The following DENND1A variants were observed in gnomAD, a reference collection of about 807,000 sequenced individuals.
DENND1A encodes the protein DENN domain containing 1A, also known as DENN domain-containing protein 1A.
DENND1A carries 51 observed loss-of-function variants against 113.7 expected under a neutral mutation model. That is an observed-to-expected ratio of 0.45 (90% CI 0.36 to 0.57). The LOEUF is 0.57. DENND1A is among the 20% of genes least tolerant of loss of function. The pLI is 0.00. For missense variants in DENND1A, 1,258 were observed against 1,395.9 expected, an observed-to-expected ratio of 0.90 and a Z score of 1.57; for synonymous variants, 565 against 570.8, an observed-to-expected ratio of 0.99 and a Z score of 0.14.
intron 5 of DENND1A, among the ~76,000 whole-genome samples, chr9:123,716,248 G>A (rs1281228636): frequency 4.6e-5 from 7 of 152,066 alleles, no homozygotes; most frequent in African/African-American, 1.7e-4. Flanking sequence ...TCTACTCCTG[G>A]GTCAAATTAG....
At chr9:123,591,368 G>T (rs777070261) in intron 11 of DENND1A, among the ~76,000 whole-genome samples, 2 of 152,272 alleles carry the variant, frequency 1.3e-5, no homozygotes, top group African/African-American at 2.4e-5. Context: ...GCAAGGGTGT[G>T]CACTGGCAAT....
intron 5 of DENND1A, among the ~76,000 whole-genome samples, chr9:123,701,475 C>A (rs1019981606): frequency 5.9e-5 from 9 of 152,128 alleles, no homozygotes; most frequent in African/African-American, 2.2e-4. Flanking sequence ...CAATACTGAG[C>A]CTGCCACCAT....
At chr9:123,593,975 C>A (rs1409914709) in intron 11 of DENND1A, among the ~76,000 whole-genome samples, 2 of 152,142 alleles carry the variant, frequency 1.3e-5, no homozygotes, top group Non-Finnish European at 2.9e-5. Flanking sequence ...CTCCTGCTGG[C>A]CATGTGGGAT....
chr9:123,515,307 T>C lies in DENND1A; in HGVS notation c.993+42263A>G, dbSNP rs562555203. On this transcript the variant is annotated intron_variant, in intron 13 of 23. Coordinates refer to ENST00000394215, the MANE Select transcript of DENND1A (RefSeq NM_001352964.2). The stretch of plus-strand genomic sequence containing the variant: ...TATTAAAAGTGATATTTCCATTACA[T>C]AATATTATTGTAACAATTTCAAATA... Among the ~76,000 whole-genome samples the C allele has an allele frequency of 2.0e-5, 3 of 152,362 alleles. No individual in the cohort carries two copies. In the South Asian group the frequency reaches 6.2e-4, roughly 32 times the overall value.
At chr9:123,652,782 TGAA>T in intron 8 of DENND1A, among the ~76,000 whole-genome samples, 1 of 152,182 alleles carries the variant, frequency 6.6e-6, no homozygotes, top group Admixed American at 6.5e-5. Flanking sequence ...GAAAAAAAAT[TGAA>T]GACAAACAGC....
rs146298793 is a variant in DENND1A at position 123,450,704 on chromosome 9, A to T, written c.1345T>A (p.Leu449Met). 1 of 1,610,520 alleles carries T rather than the reference A, an allele frequency of 6.2e-7. No homozygotes were observed. The highest frequency in any genetic ancestry group is 1.3e-5 in the African/African-American group (1 of 74,858). Reference protein sequence around the residue: ...KMGIKEVKNRLKQKDIAENGC... With the variant: ...KMGIKEVKNRMKQKDIAENGC... ...AGAACTTCAAGTACCTTTTGCTTCAAGCGGTTTTTCACCTCTTTTATTCCC... is the reference window on the plus strand; with the variant it reads ...AGAACTTCAAGTACCTTTTGCTTCATGCGGTTTTTCACCTCTTTTATTCCC... Residue 449 changes from leucine (L) to methionine (M), a missense_variant, in exon 18 of 24, where the codon TTG becomes ATG. Coordinates refer to ENST00000394215, the MANE Select transcript of DENND1A (RefSeq NM_001352964.2).
chr9:123,654,758 C>T (rs1236727933), intron 8 of DENND1A, among the ~76,000 whole-genome samples: 48 of 152,330 alleles, frequency 3.2e-4, no homozygotes, highest in Non-Finnish European at 1.3e-4. Context: ...CAGAAGCTGT[C>T]TTTCTTATCT....
intron 1 of DENND1A, among the ~76,000 whole-genome samples, chr9:123,904,130 A>C (rs889448611): frequency 2.6e-5 from 4 of 152,306 alleles, no homozygotes; most frequent in East Asian, 1.9e-4. Flanking sequence ...CTCACACAGC[A>C]GGGTATTCCA....
At chr9:123,407,038 T>C (rs2043910330) in intron 20 of DENND1A, among the ~76,000 whole-genome samples, 1 of 152,040 alleles carries the variant, frequency 6.6e-6, no homozygotes, top group Non-Finnish European at 1.5e-5. Flanking sequence ...TTAGACGAGC[T>C]GAGCTGTCAG....
chr9:123,745,499 C>G (rs1300295240), intron 5 of DENND1A, among the ~76,000 whole-genome samples: 1 of 152,180 alleles, frequency 6.6e-6, no homozygotes, highest in South Asian at 2.1e-4. Context: ...AATGGTGAAA[C>G]CACTGAAGGA....
chr9:123,855,807 G>T lies in DENND1A; in HGVS notation c.88+23144C>A, dbSNP rs1048733836. Among the ~76,000 whole-genome samples the T allele has an allele frequency of 2.6e-5, 4 of 152,148 alleles. No individual in the cohort carries two copies. The East Asian group carries it at 7.7e-4, about 29-fold the overall frequency. On this transcript the variant is annotated intron_variant, in intron 2 of 23. Coordinates refer to ENST00000394215, the MANE Select transcript of DENND1A (RefSeq NM_001352964.2). ...AATCCCAGCACTTTGTGAGGCTGAG[G>T]CAGGCGGATCACCTGAGGTCGGGAG...
At chr9:123,646,739 A>G (rs2062354690) in intron 9 of DENND1A, among the ~76,000 whole-genome samples, 1 of 152,116 alleles carries the variant, frequency 6.6e-6, no homozygotes, top group South Asian at 2.1e-4. Context: ...CTTCATGAGG[A>G]CAGGGATTGT....
intron 1 of DENND1A, among the ~76,000 whole-genome samples, chr9:123,928,166 C>T (rs1334693459): frequency 1.3e-5 from 2 of 152,184 alleles, no homozygotes; most frequent in Non-Finnish European, 2.9e-5. Context: ...ATGGGTTCCA[C>T]AAAACACATT....
intron 2 of DENND1A, among the ~76,000 whole-genome samples, chr9:123,849,836 G>C (rs1160199216): frequency 6.6e-6 from 1 of 152,136 alleles, no homozygotes; most frequent in Non-Finnish European, 1.5e-5. Context: ...AGCCCTCCTG[G>C]ATGACATTGA....
At chr9:123,409,350 T>C (rs577292432) in intron 20 of DENND1A, among the ~76,000 whole-genome samples, 1 of 151,556 alleles carries the variant, frequency 6.6e-6, no homozygotes, top group Non-Finnish European at 1.5e-5. Flanking sequence ...AAATCCGAGA[T>C]CTGAAACACC....
intron 5 of DENND1A, among the ~76,000 whole-genome samples, chr9:123,714,147 C>T (rs1039302282): frequency 2.0e-5 from 3 of 152,200 alleles, no homozygotes; most frequent in African/African-American, 7.2e-5. Context: ...TTTATCAGAA[C>T]ACTCCAAAGA....
chr9:123,595,434 C>T (rs77999189), intron 11 of DENND1A, among the ~76,000 whole-genome samples: 4,110 of 152,182 alleles, frequency 0.027, 150 homozygotes, highest in African/African-American at 0.086. Flanking sequence ...GACACAGAGA[C>T]GATTAAACCA....
intron 3 of DENND1A, among the ~76,000 whole-genome samples, chr9:123,786,460 T>C (rs1215653347): frequency 6.6e-6 from 1 of 152,164 alleles, no homozygotes; most frequent in East Asian, 1.9e-4. Context: ...CAAAACATCC[T>C]AGACATGCAT....
intron 3 of DENND1A, among the ~76,000 whole-genome samples, chr9:123,790,804 G>T (rs935718218): frequency 1.3e-5 from 2 of 152,026 alleles, no homozygotes; most frequent in African/African-American, 4.8e-5. Context: ...ATGCATATAC[G>T]TACACATACA....
Sources: gnomAD v4.1 joint callset for allele counts (sites outside exome capture counted in the v4.1 genomes callset) on GRCh38, gnomAD v4.1.1 for gene constraint, MANE v1.5 for transcripts, NCBI Gene and HGNC (gene_info 2026-07-23, HGNC 2026-07-21) for gene names.